SEMA4C: variants seen among roughly 807,000 people sequenced by gnomAD.
The protein encoded by SEMA4C is semaphorin 4C.
Under a neutral mutation model 89.0 loss-of-function variants are expected in SEMA4C, and 19 were observed. The ratio of observed to expected loss-of-function variants is 0.21; its 90% CI spans 0.15 to 0.31. SEMA4C has a LOEUF of 0.31. SEMA4C is among the 10% of genes least tolerant of loss of function. SEMA4C has a pLI of 1.00. For missense variants in SEMA4C, 811 were observed against 1,107.0 expected (o/e 0.73, Z 3.79); for synonymous variants, 428 against 472.7 (o/e 0.91, Z 1.23).
At chr2:96,869,724 G>T (rs1205140072) in intron 1 of SEMA4C, 152 bp downstream of exon 1, 3 of 984,926 alleles carry the variant, frequency 3.0e-6, no homozygotes, top group African/African-American at 3.5e-5. Context: ...TCGCAGGAAG[G>T]ATCCCCGCGT....
At chr2:96,869,200 C>G (rs1214531858) in intron 1 of SEMA4C, 61 of 985,276 alleles carry the variant, frequency 6.2e-5, no homozygotes, top group Non-Finnish European at 7.0e-5. Context: ...AGGATCGGGC[C>G]GCACCCCGTG....
intron 12 of SEMA4C, chr2:96,862,984 T>A (rs1367207871): frequency 6.6e-6 from 1 of 152,178 alleles, no homozygotes; most frequent in Admixed American, 6.6e-5. Flanking sequence ...TGAGCAGAGA[T>A]CATGCCACCG....
rs532859533 is a variant in SEMA4C, at chr2:96,864,633, C to A, written c.962+72G>T. 6.6e-7 allele frequency: 1 copy of A among 1,520,692 alleles called. No homozygotes were observed. Among genetic ancestry groups the A allele is most frequent in the East Asian group, 2.3e-5 (1 of 44,174 alleles). The allele number at this position is 1,520,692 out of a possible 1,614,324, so 94.2% of individuals were successfully genotyped here. On this transcript the variant is annotated intron_variant, in intron 9 of 14. Coordinates refer to ENST00000305476, the MANE Select transcript of SEMA4C (RefSeq NM_017789.5). The surrounding 1 kb of genome is among the most constrained non-coding windows in gnomAD (Gnocchi z 6.3). ...GACTGCCTCTGAGGCCTGGTCCAGG[C>A]TCCCACCCATGCACCGTCCCTGACC...
upstream of SEMA4C, chr2:96,870,506 TGGG>T (rs2080178404): frequency 8.2e-6 from 8 of 979,090 alleles, no homozygotes; most frequent in Non-Finnish European, 9.7e-6. Context: ...GGAGGCACGC[TGGG>T]GGAACCGAGG....
intron 2 of SEMA4C, 101 bp downstream of exon 2, chr2:96,867,677 A>G: frequency 8.2e-7 from 1 of 1,221,014 alleles, no homozygotes; most frequent in Non-Finnish European, 1.2e-6. Flanking sequence ...CGAGTTTCTT[A>G]GAAAGCTGTG....
chr2:96,867,986 A>G (rs1164729887), intron 1 of SEMA4C, 63 bp from the exon 2 acceptor site: 1 of 1,582,222 alleles, frequency 6.3e-7, no homozygotes. Flanking sequence ...AGGGGCCCGC[A>G]GCAGGAGAGG....
In SEMA4C at chr2:96,863,918, G is replaced by T. The variant is rs1231039132; in HGVS notation, c.1330+8C>A. ...TGAGCAGCCATGCCTGCATACCCAT[G>T]CACCCACCTGTGCCAATGAACAGCA... On this transcript the variant is annotated splice_region_variant and intron_variant, in intron 11 of 14. Coordinates refer to ENST00000305476, the MANE Select transcript of SEMA4C (RefSeq NM_017789.5). The T allele has an allele frequency of 6.2e-7, 1 of 1,603,112 alleles. No individual in the cohort carries two copies. The highest frequency in any genetic ancestry group is 1.1e-5 in the South Asian group (1 of 90,312).
rs199642667 is a variant in SEMA4C, at chr2:96,861,555, T to C, written c.1672+24A>G. 14 of 1,600,416 alleles carry C rather than the reference T, an allele frequency of 8.7e-6. No individual in the cohort carries two copies. The highest frequency in any genetic ancestry group is 1.7e-4 in the Middle Eastern group (1 of 6,034). ...AGCTCTGGTCCAGGGCTCAGCCCGATGCGACGGGAATGAAAAAGCTCACCT... is the reference window on the plus strand; with the variant it reads ...AGCTCTGGTCCAGGGCTCAGCCCGACGCGACGGGAATGAAAAAGCTCACCT... On this transcript the variant is annotated intron_variant, in intron 14 of 14. Transcript: ENST00000305476. This position sits in a 1 kb window ranked among gnomAD's most constrained non-coding sequence, Gnocchi z 7.8.
Position 96,861,067 on chromosome 2 carries a change from G to A in SEMA4C, c.2061C>T (p.Arg687=). The A allele has an allele frequency of 1.2e-6, 2 of 1,612,754 alleles. No homozygotes were observed. Among genetic ancestry groups the A allele is most frequent in the South Asian group, 2.2e-5 (2 of 91,084 alleles). Residue 687 remains arginine, a synonymous_variant, in exon 15 of 15, where the codon CGC becomes CGT. Coordinates refer to ENST00000305476, the MANE Select transcript of SEMA4C (RefSeq NM_017789.5). This position sits in a 1 kb window ranked among gnomAD's most constrained non-coding sequence, Gnocchi z 7.8. ...LVLLLLVLSL[R]RRLREELEKG... is the part of the protein sequence containing the mutation. ...TCTCCAGCTCTTCCCGCAGCCGCCG[G>A]CGCAATGACAGCACCAGCAGCAGCA...
Position 96,860,754 on chromosome 2 carries a change from A to G in SEMA4C, c.2374T>C (p.Leu792=). 1 of 1,613,878 alleles carries G rather than the reference A, an allele frequency of 6.2e-7. No individual in the cohort carries two copies. Among genetic ancestry groups the G allele is most frequent in the Non-Finnish European group, 8.5e-7 (1 of 1,179,994 alleles). Residue 792 remains leucine, a synonymous_variant, in exon 15 of 15, where the codon TTA becomes CTA. Transcript: ENST00000305476. ...RNSNANGYVR[L]QLGGEDRGGL... ...CCCCGGTCCTCCCCTCCTAGTTGTA[A>G]GCGCACGTAACCATTGGCATTTGAG...
intron 5 of SEMA4C, 44 bp from the exon 6 acceptor site, chr2:96,865,581 G>A: frequency 6.2e-7 from 1 of 1,600,910 alleles, no homozygotes; most frequent in Non-Finnish European, 8.6e-7. Context: ...TTAAGGGCAG[G>A]GCTCTGTGGG....
chr2:96,866,172 A>G, intron 3 of SEMA4C, 111 bp downstream of exon 3: 1 of 1,444,268 alleles, frequency 6.9e-7, no homozygotes, highest in Non-Finnish European at 9.3e-7. Flanking sequence ...CCGGATGCCC[A>G]GCAGCACTTC....
chr2:96,869,248 C>T, intron 1 of SEMA4C: 4 of 985,328 alleles, frequency 4.1e-6, no homozygotes, highest in Non-Finnish European at 4.8e-6. Context: ...GGTGCTCCCA[C>T]CCGCAGCTCC....
intron 4 of SEMA4C, 32 bp from the exon 5 acceptor site, chr2:96,865,796 G>C: frequency 6.2e-7 from 1 of 1,613,640 alleles, no homozygotes; most frequent in African/African-American, 1.3e-5. Context: ...GTTAGTGAGA[G>C]CGCGAGGGCC....
rs985834740 is a variant in SEMA4C, at chr2:96,864,576, T to C, written c.962+129A>G. 7.3e-7 allele frequency: 1 copy of C among 1,366,484 alleles called. No individual in the cohort carries two copies. The highest frequency in any genetic ancestry group is 2.1e-5 in the Admixed American group (1 of 46,710). The allele number at this position is 1,366,484 out of a possible 1,614,324, so 84.6% of individuals were successfully genotyped here. On this transcript the variant is annotated intron_variant, in intron 9 of 14. Coordinates refer to ENST00000305476, the MANE Select transcript of SEMA4C (RefSeq NM_017789.5). This position sits in a 1 kb window ranked among gnomAD's most constrained non-coding sequence, Gnocchi z 6.3. ...GCTCTGAAAGGGGCAGGTGCCAGCA[T>C]TCTCCTTGGCTTCTGGACACCTGGC... is the stretch of plus-strand genomic sequence containing the variant.
chr2:96,861,699 G>A lies in SEMA4C; in HGVS notation c.1601+38C>T. On this transcript the variant is annotated intron_variant, in intron 13 of 14. Coordinates refer to ENST00000305476, the MANE Select transcript of SEMA4C (RefSeq NM_017789.5). This position sits in a 1 kb window ranked among gnomAD's most constrained non-coding sequence, Gnocchi z 7.8. ...AGCAGCCTGGCTCCAACCACCCTGA[G>A]TCCCTGGAGGTCCTGGCCTATGTAG... 3 of 1,605,146 alleles carry A rather than the reference G, an allele frequency of 1.9e-6. No individual in the cohort carries two copies. Among genetic ancestry groups the A allele is most frequent in the Non-Finnish European group, 2.6e-6 (3 of 1,173,808 alleles).
At chr2:96,863,463 G>A in intron 12 of SEMA4C, 9 of 1,342,052 alleles carry the variant, frequency 6.7e-6, no homozygotes, top group Non-Finnish European at 8.7e-6. Flanking sequence ...CCCGTGACCT[G>A]GCTATATATA....
In SEMA4C at chr2:96,865,770, G is replaced by A. The variant is rs781369276; in HGVS notation, c.322-6C>T. Reference sequence around the variant, plus strand: ...ATGAAGTTGAAGCACTCGGTCTGGGGGCAGAAAGGTGTCCGGTTAGTGAGA... The same window carrying A: ...ATGAAGTTGAAGCACTCGGTCTGGGAGCAGAAAGGTGTCCGGTTAGTGAGA... On this transcript the variant is annotated splice_polypyrimidine_tract_variant and splice_region_variant and intron_variant, in intron 4 of 14. Coordinates refer to ENST00000305476, the MANE Select transcript of SEMA4C (RefSeq NM_017789.5). The A allele has an allele frequency of 2.5e-6, 4 of 1,614,094 alleles. No individual in the cohort carries two copies. The highest frequency in any genetic ancestry group is 1.1e-5 in the South Asian group (1 of 91,082).
intron 2 of SEMA4C, 58 bp downstream of exon 2, chr2:96,867,720 G>A: frequency 2.0e-6 from 3 of 1,510,566 alleles, no homozygotes; most frequent in Non-Finnish European, 2.8e-6. Flanking sequence ...AGCACACTAT[G>A]GGGGCAACTC....
Sources: allele counts gnomAD v4.1 joint callset, GRCh38; gene constraint gnomAD v4.1.1; non-coding constraint Gnocchi (gnomAD v3.1); transcripts MANE v1.5; gene names NCBI Gene and HGNC (gene_info 2026-07-23, HGNC 2026-07-21).